Variants in PCBP3 observed in about 807,000 individuals in gnomAD.
The protein encoded by PCBP3 is poly(rC)-binding protein 3.
PCBP3 carries 25 observed loss-of-function variants against 52.7 expected under a neutral mutation model. That is an observed-to-expected ratio of 0.47 (90% CI 0.35 to 0.66). PCBP3 has a LOEUF of 0.66. Among genes scored for constraint, PCBP3 ranks in the 30% least tolerant of loss-of-function variants. The probability of loss-of-function intolerance (pLI) is 0.01; values close to 1 mark genes in which losing one functional copy is unlikely to be tolerated. For missense variants in PCBP3, 391 were observed against 490.3 expected (o/e 0.80, Z 1.91); for synonymous variants, 162 against 183.0 (o/e 0.89, Z 0.93).
In PCBP3 at chr21:45,737,874, C is replaced by T. The variant is rs1050137781; in HGVS notation, c.-162+2445C>T. ...TCTGGGGTGCCATGATGAAGCAGAG[C>T]GGAGCTCATCTGAGTGGATGTTTCC... On this transcript the variant is annotated intron_variant, in intron 3 of 17. Coordinates refer to ENST00000681687, the MANE Select transcript of PCBP3 (RefSeq NM_001384156.1). The surrounding 1 kb of genome is among the most constrained non-coding windows in gnomAD (Gnocchi z 4.9). Among the ~76,000 whole-genome samples the T allele has an allele frequency of 2.6e-5, 4 of 152,314 alleles. No homozygotes were observed. Among genetic ancestry groups the T allele is most frequent in the East Asian group, 3.9e-4 (2 of 5,188 alleles).
chr21:45,835,309 A>C (rs1461327259), intron 4 of PCBP3, among the ~76,000 whole-genome samples: 1 of 152,008 alleles, frequency 6.6e-6, no homozygotes, highest in Non-Finnish European at 1.5e-5. Flanking sequence ...GACTCGCCCC[A>C]CTCCGGAGGC....
At chr21:45,894,163 C>T (rs932920206) in intron 5 of PCBP3, 18 of 342,198 alleles carry the variant, frequency 5.3e-5, no homozygotes, top group Non-Finnish European at 7.4e-5. Flanking sequence ...CCGCACGGCA[C>T]AGGATGGCCT....
At chr21:45,743,142 A>G (rs1375500268) in intron 3 of PCBP3, among the ~76,000 whole-genome samples, 2 of 152,128 alleles carry the variant, frequency 1.3e-5, no homozygotes, top group East Asian at 3.8e-4. Context: ...TTTTTTTCCA[A>G]CTAATTTGTG....
chr21:45,723,202 A>T (rs903712980), intron 2 of PCBP3, among the ~76,000 whole-genome samples: 6 of 152,148 alleles, frequency 3.9e-5, no homozygotes, highest in African/African-American at 1.2e-4. Flanking sequence ...ACACATAGGC[A>T]TCCTAGAGAG....
chr21:45,939,099 G>A (rs1437317887), intron 16 of PCBP3, among the ~76,000 whole-genome samples: 3 of 152,234 alleles, frequency 2.0e-5, no homozygotes, highest in Admixed American at 6.5e-5. Flanking sequence ...CTCTGCCTCA[G>A]GGCCCTCGGG....
At chr21:45,925,314 A>G (rs2075252540) in intron 13 of PCBP3, among the ~76,000 whole-genome samples, 1 of 152,236 alleles carries the variant, frequency 6.6e-6, no homozygotes. Flanking sequence ...CACTAACAAC[A>G]AAGAAGTCCG....
chr21:45,692,428 T>A, intron 2 of PCBP3, among the ~76,000 whole-genome samples: 1 of 151,048 alleles, frequency 6.6e-6, no homozygotes, highest in South Asian at 2.1e-4. Context: ...AACATGAATA[T>A]CAAGAATGAA....
At chr21:45,663,312 C>T (rs545533984) in intron 1 of PCBP3, among the ~76,000 whole-genome samples, 20 of 152,022 alleles carry the variant, frequency 1.3e-4, no homozygotes, top group African/African-American at 4.3e-4. Flanking sequence ...TAAATAACAG[C>T]GCAGCCTGGC....
chr21:45,865,681 A>G (rs1226541569), intron 5 of PCBP3, among the ~76,000 whole-genome samples: 1 of 152,066 alleles, frequency 6.6e-6, no homozygotes, highest in Non-Finnish European at 1.5e-5. Flanking sequence ...GGGTTTGAGG[A>G]TGGTCTTCCA....
intron 1 of PCBP3, among the ~76,000 whole-genome samples, chr21:45,659,839 T>G (rs2080268677): frequency 6.6e-6 from 1 of 152,206 alleles, no homozygotes; most frequent in South Asian, 2.1e-4. Flanking sequence ...TCCTTTAAAA[T>G]TTTGGGACTT....
rs907247362 is a variant in PCBP3 at position 45,904,131 on chromosome 21, C to T, written c.339+3018C>T. 2.0e-5 allele frequency among the ~76,000 whole-genome samples: 3 copies of T among 152,150 alleles called. No homozygotes were observed. The highest frequency in any genetic ancestry group is 4.8e-5 in the African/African-American group (2 of 41,426). ...GAAGCAGCCGTAACCTACGCTATTA[C>T]GTAGGTTATGTAGGGCTGTGCTGAG... On this transcript the variant is annotated intron_variant, in intron 9 of 17. Coordinates refer to ENST00000681687, the MANE Select transcript of PCBP3 (RefSeq NM_001384156.1). This position sits in a 1 kb window ranked among gnomAD's most constrained non-coding sequence, Gnocchi z 4.8.
intron 6 of PCBP3, among the ~76,000 whole-genome samples, chr21:45,898,359 T>TCCCTCTACACACC (rs879889685): frequency 0.37 from 14,310 of 38,568 alleles, 3,471 homozygotes; most frequent in South Asian, 0.48. Context: ...ACCATCCTCA[T>TCCCTCTACACACC]GGTCTCCCTC....
At chr21:45,777,496 A>G (rs2090344122) in intron 4 of PCBP3, among the ~76,000 whole-genome samples, 2 of 152,188 alleles carry the variant, frequency 1.3e-5, no homozygotes, top group African/African-American at 4.8e-5. Context: ...CTATTATTTC[A>G]TTAAATAGGT....
At position 45,729,930 on chromosome 21, in the gene PCBP3, T is replaced by TA. The variant is rs2085332732; in HGVS notation, c.-199-5455dup. ...CACCATCTACCATGCCTGGTTAATG[T>TA]AAAAAAATTTTTTTGTAGAGAGTAG... On this transcript the variant is annotated intron_variant, in intron 2 of 17. Coordinates refer to ENST00000681687, the MANE Select transcript of PCBP3 (RefSeq NM_001384156.1). 3.3e-5 allele frequency among the ~76,000 whole-genome samples: 5 copies of TA among 152,206 alleles called. No individual in the cohort carries two copies. The South Asian group carries it at 1.0e-3, about 32-fold the overall frequency.
chr21:45,739,433 G>GC (rs1353212098), intron 3 of PCBP3, among the ~76,000 whole-genome samples: 1 of 102,932 alleles, frequency 9.7e-6, no homozygotes, highest in Non-Finnish European at 1.9e-5. Flanking sequence ...CCCCTGGATG[G>GC]CCCCCCCATC....
At position 45,900,576 on chromosome 21, in the gene PCBP3, A is replaced by T; in HGVS notation, c.190-15A>T. 6.2e-7 allele frequency: 1 copy of T among 1,609,200 alleles called. No individual in the cohort carries two copies. Among genetic ancestry groups the T allele is most frequent in the Non-Finnish European group, 8.5e-7 (1 of 1,176,198 alleles). The stretch of plus-strand genomic sequence containing the variant: ...GAGGGATACCTTTTCCTTATTGTCT[A>T]AATCTTTATTCCAGAAAGGAGAAAC... On this transcript the variant is annotated splice_polypyrimidine_tract_variant and intron_variant, in intron 7 of 17. Transcript: ENST00000681687.
chr21:45,674,898 G>GC (rs774591257), intron 2 of PCBP3, among the ~76,000 whole-genome samples: 15 of 152,060 alleles, frequency 9.9e-5, no homozygotes, highest in Admixed American at 5.9e-4. Context: ...CCCTTCCCTG[G>GC]CTCAGTTGGA....
chr21:45,866,749 C>G lies in PCBP3; in HGVS notation c.10+16654C>G, dbSNP rs114657417. ...TTCAGAAGCCAGCTCCTCACACCCT[C>G]TCCCCTGCCAGAGGCTCCAGCACCC... On this transcript the variant is annotated intron_variant, in intron 5 of 17. Transcript: ENST00000681687. 6.9e-3 allele frequency among the ~76,000 whole-genome samples: 1,049 copies of G among 152,294 alleles called. 11 individuals are homozygous for G. The highest frequency in any genetic ancestry group is 0.024 in the African/African-American group (987 of 41,558).
intron 4 of PCBP3, among the ~76,000 whole-genome samples, chr21:45,841,910 T>C (rs1473987264): frequency 6.6e-6 from 1 of 152,240 alleles, no homozygotes; most frequent in Non-Finnish European, 1.5e-5. Context: ...GACTCTGTTG[T>C]CTAGAGACGC....
Sources: allele counts gnomAD v4.1 joint callset (sites outside exome capture counted in the v4.1 genomes callset), GRCh38; gene constraint gnomAD v4.1.1; non-coding constraint Gnocchi (gnomAD v3.1); transcripts MANE v1.5; gene names NCBI Gene and HGNC (gene_info 2026-07-23, HGNC 2026-07-21).